Variants in SHISA9 observed in about 807,000 individuals in gnomAD.
The protein encoded by SHISA9 is shisa family member 9.
Under a neutral mutation model 38.0 loss-of-function variants are expected in SHISA9, and 13 were observed. The observed-to-expected ratio is 0.34, with a 90% CI of 0.22 to 0.54. The LOEUF (loss-of-function observed/expected upper bound fraction) is 0.54, where lower values mean the gene tolerates loss of function less well. Among genes scored for constraint, SHISA9 ranks in the 20% least tolerant of loss-of-function variants. The pLI is 0.91. For synonymous variants in SHISA9, 275 were observed against 242.0 expected, an observed-to-expected ratio of 1.14 and a Z score of -1.27; for missense variants, 538 against 575.8, an observed-to-expected ratio of 0.93 and a Z score of 0.67.
the SHISA9 span, among the ~76,000 whole-genome samples, chr16:13,453,065 T>C: frequency 4.9e-4 from 74 of 151,858 alleles, no homozygotes; most frequent in African/African-American, 1.6e-3. Context: ...CGTGCCACCA[T>C]ACCTGGCTAA....
At chr16:13,373,791 C>T in the SHISA9 span, among the ~76,000 whole-genome samples, 32 of 149,486 alleles carry the variant, frequency 2.1e-4, no homozygotes, top group African/African-American at 5.7e-4. Flanking sequence ...ATGGGAGTGA[C>T]GATAGTGCCA....
At chr16:12,960,675 C>T (rs1379101964) in intron 2 of SHISA9, among the ~76,000 whole-genome samples, 2 of 152,244 alleles carry the variant, frequency 1.3e-5, no homozygotes, top group African/African-American at 4.8e-5. Flanking sequence ...AACAGAAAAC[C>T]GCACATCATG....
intron 3 of SHISA9, chr16:13,204,761 A>G (rs921495404): frequency 6.6e-6 from 1 of 152,216 alleles, no homozygotes; most frequent in Admixed American, 6.5e-5. Context: ...TATCCCAATT[A>G]CCAGATTAGA....
the SHISA9 span, among the ~76,000 whole-genome samples, chr16:13,400,871 C>A: frequency 2.0e-5 from 3 of 152,186 alleles, no homozygotes; most frequent in South Asian, 2.1e-4. Flanking sequence ...TCTTTCAACT[C>A]CATGGAAGAA....
At chr16:13,414,845 C>G in the SHISA9 span, among the ~76,000 whole-genome samples, 1 of 152,034 alleles carries the variant, frequency 6.6e-6, no homozygotes, top group African/African-American at 2.4e-5. Context: ...GTTAGCCAGG[C>G]TGGTCTCAAA....
chr16:12,909,725 C>T (rs989072646), intron 1 of SHISA9: 1 of 329,314 alleles, frequency 3.0e-6, no homozygotes, highest in Non-Finnish European at 4.3e-6. Context: ...AGCCCATCAC[C>T]CAGTCAGTGT....
intron 2 of SHISA9, among the ~76,000 whole-genome samples, chr16:13,192,463 T>A (rs770762551): frequency 2.6e-5 from 4 of 152,060 alleles, no homozygotes; most frequent in Non-Finnish European, 5.9e-5. Context: ...CCAAGCACAA[T>A]GCCTGGAACA....
chr16:13,232,321 T>C (rs1244382675), intron 4 of SHISA9, among the ~76,000 whole-genome samples: 2 of 152,180 alleles, frequency 1.3e-5, no homozygotes, highest in African/African-American at 2.4e-5. Flanking sequence ...GGAGATTTCA[T>C]AAAATTGTCA....
At chr16:13,457,965 C>CCTTCCTTCCTTCCTTTT in the SHISA9 span, among the ~76,000 whole-genome samples, 1 of 151,780 alleles carries the variant, frequency 6.6e-6, no homozygotes, top group African/African-American at 2.4e-5. Context: ...TCCTTCCTTT[C>CCTTCCTTCCTTCCTTTT]TTCCTCCCTT....
intron 4 of SHISA9, among the ~76,000 whole-genome samples, chr16:13,217,612 G>T (rs983020489): frequency 2.0e-5 from 3 of 152,104 alleles, no homozygotes; most frequent in African/African-American, 4.8e-5. Context: ...TTTTGCACAG[G>T]GCTTGGCTTG....
intron 2 of SHISA9, among the ~76,000 whole-genome samples, chr16:12,937,220 G>T (rs569481888): frequency 2.0e-5 from 3 of 152,204 alleles, no homozygotes; most frequent in Admixed American, 6.5e-5. Context: ...TGTACATATA[G>T]TACATTTAAA....
At chr16:12,939,523 A>G (rs2071581224) in intron 2 of SHISA9, among the ~76,000 whole-genome samples, 2 of 152,218 alleles carry the variant, frequency 1.3e-5, no homozygotes, top group Admixed American at 6.5e-5. Flanking sequence ...GCAGTTGACT[A>G]TGAGAATGAG....
the SHISA9 span, among the ~76,000 whole-genome samples, chr16:13,367,306 T>G: frequency 2.0e-5 from 3 of 148,468 alleles, no homozygotes; most frequent in Non-Finnish European, 3.0e-5. Flanking sequence ...TGTTGGAGTC[T>G]AAATTCAGGC....
chr16:13,550,021 T>TG, the SHISA9 span, among the ~76,000 whole-genome samples: 1 of 76,966 alleles, frequency 1.3e-5, no homozygotes, highest in Non-Finnish European at 2.6e-5. Context: ...AGACTGTGTC[T>TG]CAAAAAAAAA....
At chr16:13,161,546 A>G (rs1222686910) in intron 2 of SHISA9, among the ~76,000 whole-genome samples, 1 of 152,194 alleles carries the variant, frequency 6.6e-6, no homozygotes, top group East Asian at 1.9e-4. Context: ...TGCCAAGTCT[A>G]TAAGAACTCA....
the SHISA9 span, among the ~76,000 whole-genome samples, chr16:13,553,263 C>T: frequency 6.6e-6 from 1 of 152,264 alleles, no homozygotes; most frequent in African/African-American, 2.4e-5. Context: ...AACTGAGGCA[C>T]CAAGAGGGCA....
At chr16:13,489,705 TC>T in the SHISA9 span, among the ~76,000 whole-genome samples, 1 of 152,226 alleles carries the variant, frequency 6.6e-6, no homozygotes, top group African/African-American at 2.4e-5. Flanking sequence ...TAAACCTGTT[TC>T]CTTTATAAAT....
intron 2 of SHISA9, among the ~76,000 whole-genome samples, chr16:13,059,417 G>A (rs557463910): frequency 1.9e-4 from 29 of 152,190 alleles, no homozygotes; most frequent in South Asian, 1.2e-3. Flanking sequence ...GTGAGCCACC[G>A]CACCTGGCCT....
At chr16:13,156,668 A>T (rs1273533091) in intron 2 of SHISA9, among the ~76,000 whole-genome samples, 1 of 148,966 alleles carries the variant, frequency 6.7e-6, no homozygotes, top group African/African-American at 2.5e-5. Flanking sequence ...TGGGAGGTGG[A>T]GCTCGCAGTA....
Sources: allele counts gnomAD v4.1 joint callset (sites outside exome capture counted in the v4.1 genomes callset), GRCh38; gene constraint gnomAD v4.1.1; transcripts MANE v1.5; gene names NCBI Gene and HGNC (gene_info 2026-07-23, HGNC 2026-07-21).